Variants in AGBL4 observed in about 807,000 individuals in gnomAD.
AGBL4 encodes AGBL carboxypeptidase 4, also known as cytosolic carboxypeptidase 6.
A neutral mutation model predicts 66.4 loss-of-function variants in AGBL4; 58 were observed. The ratio of observed to expected loss-of-function variants is 0.87; its 90% CI spans 0.71 to 1.09. The LOEUF (loss-of-function observed/expected upper bound fraction) is 1.09. AGBL4 is among the 50% of genes least tolerant of loss of function. The pLI is 0.00. For synonymous variants in AGBL4, 234 were observed against 222.9 expected (o/e 1.05, Z -0.44); for missense variants, 579 against 631.0 (o/e 0.92, Z 0.88).
intron 3 of AGBL4, among the ~76,000 whole-genome samples, chr1:49,607,370 T>G (rs1645078859): frequency 6.6e-6 from 1 of 152,168 alleles, no homozygotes; most frequent in South Asian, 2.1e-4. Context: ...ATTTTCTATT[T>G]TCTGCTGCTT....
intron 2 of AGBL4, among the ~76,000 whole-genome samples, chr1:49,726,250 C>A (rs1437410781): frequency 6.6e-6 from 1 of 151,920 alleles, no homozygotes; most frequent in African/African-American, 2.4e-5. Context: ...ACTAGAATGG[C>A]ATAATTTAAA....
chr1:49,437,329 T>A (rs781637343), intron 3 of AGBL4, among the ~76,000 whole-genome samples: 1 of 152,114 alleles, frequency 6.6e-6, no homozygotes, highest in African/African-American at 2.4e-5. Context: ...ATTAATTAAG[T>A]CTCCCCAAAT....
intron 5 of AGBL4, among the ~76,000 whole-genome samples, chr1:48,981,574 T>C (rs1320323294): frequency 2.6e-5 from 4 of 151,984 alleles, no homozygotes; most frequent in African/African-American, 7.3e-5. Flanking sequence ...TAAAACAGGA[T>C]GATAGATGCA....
intron 3 of AGBL4, among the ~76,000 whole-genome samples, chr1:49,315,858 C>A (rs903160492): frequency 7.9e-5 from 12 of 151,992 alleles, no homozygotes; most frequent in Admixed American, 2.6e-4. Context: ...TGGAAGCAAC[C>A]AAGATGTCCT....
At chr1:49,001,250 AC>A (rs1661373513) in intron 5 of AGBL4, among the ~76,000 whole-genome samples, 1 of 152,192 alleles carries the variant, frequency 6.6e-6, no homozygotes, top group Non-Finnish European at 1.5e-5. Flanking sequence ...TTATAACATG[AC>A]CCTTTAGATA....
At chr1:49,114,746 A>C (rs1333586784) in intron 4 of AGBL4, among the ~76,000 whole-genome samples, 1 of 152,138 alleles carries the variant, frequency 6.6e-6, no homozygotes, top group East Asian at 1.9e-4. Flanking sequence ...GTCTCAGGGA[A>C]TACAGGGGCC....
At chr1:49,712,909 A>T (rs1191927723) in intron 2 of AGBL4, among the ~76,000 whole-genome samples, 1 of 151,954 alleles carries the variant, frequency 6.6e-6, no homozygotes, top group Non-Finnish European at 1.5e-5. Flanking sequence ...AAACAACTTG[A>T]CCTAAAAGCA....
chr1:48,656,538 G>A lies in AGBL4; in HGVS notation c.725-3087C>T, dbSNP rs184894488. ...AAGGCTCTGATGGGAACAGCACATA[G>A]CTGTGGGGACTCAGCAGGGGCCTGG... On this transcript the variant is annotated intron_variant, in intron 7 of 13. Coordinates refer to ENST00000371839, the MANE Select transcript of AGBL4 (RefSeq NM_032785.4). 7.2e-3 allele frequency among the ~76,000 whole-genome samples: 1,092 copies of A among 152,336 alleles called. 17 individuals carry two copies. The highest frequency in any genetic ancestry group is 0.025 in the African/African-American group (1,053 of 41,562).
rs577993447 is a variant in AGBL4, at chr1:48,663,193, C to T, written c.683G>A (p.Arg228Gln). The T allele has an allele frequency of 6.2e-7, 1 of 1,613,866 alleles. No individual in the cohort carries two copies. Among genetic ancestry groups the T allele is most frequent in the Non-Finnish European group, 8.5e-7 (1 of 1,179,874 alleles). The change falls in exon 7 of 14, where the codon CGA becomes CAA. Residue 228 changes from arginine (R) to glutamine (Q), a missense_variant. Physicochemically the swap from Arg to Gln is conservative, Grantham distance 43. Transcript: ENST00000371839. ...TGAGGGTGTTTCCCCTGGGTGGACT[C>T]GTCCTGTGATGAATACCACCTTCTG... ...AEQKVVFITGRVHPGETPSSF... is the reference protein window; with the variant it reads ...AEQKVVFITGQVHPGETPSSF...
intron 2 of AGBL4, among the ~76,000 whole-genome samples, chr1:49,800,257 C>A (rs1314964507): frequency 1.3e-5 from 2 of 152,086 alleles, no homozygotes; most frequent in Non-Finnish European, 2.9e-5. Context: ...TACATGATTT[C>A]ATGATTATGT....
intron 2 of AGBL4, among the ~76,000 whole-genome samples, chr1:49,759,921 G>T (rs1474079755): frequency 1.3e-5 from 2 of 152,148 alleles, no homozygotes; most frequent in Non-Finnish European, 2.9e-5. Context: ...CATAATGACA[G>T]GAAGGAAATC....
intron 6 of AGBL4, among the ~76,000 whole-genome samples, chr1:48,820,699 A>G (rs1646291887): frequency 6.6e-6 from 1 of 152,210 alleles, no homozygotes; most frequent in African/African-American, 2.4e-5. Flanking sequence ...CTGGAACTAT[A>G]GTTGGCTCTA....
At chr1:49,070,649 G>C (rs1351591553) in intron 4 of AGBL4, among the ~76,000 whole-genome samples, 1 of 151,888 alleles carries the variant, frequency 6.6e-6, no homozygotes, top group Non-Finnish European at 1.5e-5. Flanking sequence ...TTTTATTGAG[G>C]ATTTTCACAT....
rs988607075 is a variant in AGBL4 at position 49,056,250 on chromosome 1, A to AG, written c.378-10451dup. ...CTTTTCTAGCTGTTGTAGAAGCAGA[A>AG]GGGGGAAAAAAAAAAGCAATTCCAT... On this transcript the variant is annotated intron_variant, in intron 4 of 13. Transcript: ENST00000371839. Among the ~76,000 whole-genome samples the AG allele has an allele frequency of 9.9e-5, 15 of 152,184 alleles. No homozygotes were observed. The South Asian group carries it at 1.2e-3, about 13-fold the overall frequency.
chr1:48,862,578 C>T (rs1465270062), intron 6 of AGBL4, among the ~76,000 whole-genome samples: 1 of 152,172 alleles, frequency 6.6e-6, no homozygotes, highest in East Asian at 1.9e-4. Context: ...GCCTCAGCCT[C>T]CCAGTGTGCT....
At chr1:49,361,109 C>G (rs1417638994) in intron 3 of AGBL4, among the ~76,000 whole-genome samples, 1 of 152,094 alleles carries the variant, frequency 6.6e-6, no homozygotes, top group Non-Finnish European at 1.5e-5. Flanking sequence ...TTCAAATACA[C>G]TGTGTATTTG....
intron 5 of AGBL4, among the ~76,000 whole-genome samples, chr1:48,996,331 T>C (rs531452177): frequency 2.6e-5 from 4 of 152,256 alleles, no homozygotes; most frequent in Middle Eastern, 3.4e-3. Context: ...TAGGAACAGA[T>C]TGAATTATGT....
chr1:49,321,402 G>A (rs1463873150), intron 3 of AGBL4, among the ~76,000 whole-genome samples: 1 of 152,034 alleles, frequency 6.6e-6, no homozygotes, highest in Non-Finnish European at 1.5e-5. Context: ...TCATCAAACT[G>A]ATAACAATTA....
At chr1:49,687,218 C>T (rs867820950) in intron 3 of AGBL4, among the ~76,000 whole-genome samples, 22 of 152,048 alleles carry the variant, frequency 1.4e-4, no homozygotes, top group African/African-American at 4.1e-4. Context: ...TTGCATGAAA[C>T]CCTGGACAAA....
Sources: allele counts gnomAD v4.1 joint callset (sites outside exome capture counted in the v4.1 genomes callset), GRCh38; gene constraint gnomAD v4.1.1; transcripts MANE v1.5; gene names NCBI Gene and HGNC (gene_info 2026-07-23, HGNC 2026-07-21).